BTBD9: variants seen among roughly 807,000 people sequenced by gnomAD.
The protein encoded by BTBD9 is BTB domain containing 9, also known as BTB/POZ domain-containing protein 9.
A neutral mutation model predicts 64.3 loss-of-function variants in BTBD9; 49 were observed. The observed-to-expected ratio is 0.76, with a 90% CI of 0.61 to 0.97. The LOEUF is 0.97. BTBD9 is among the 50% of genes least tolerant of loss of function. The pLI, the probability that BTBD9 is intolerant of heterozygous loss-of-function variation, is 0.00. For synonymous variants in BTBD9, 260 were observed against 274.7 expected (o/e 0.95, Z 0.53); for missense variants, 598 against 762.1 (o/e 0.78, Z 2.53).
intron 7 of BTBD9, among the ~76,000 whole-genome samples, chr6:38,339,688 C>T (rs1764028943): frequency 6.6e-6 from 1 of 152,072 alleles, no homozygotes; most frequent in Non-Finnish European, 1.5e-5. Flanking sequence ...GTAGAGAGGG[C>T]AGGAATAGAA....
chr6:38,331,575 T>C (rs963606035), intron 7 of BTBD9, among the ~76,000 whole-genome samples: 8 of 152,120 alleles, frequency 5.3e-5, no homozygotes, highest in Non-Finnish European at 1.0e-4. Flanking sequence ...ACATTTTATT[T>C]TGGCCAGGTG....
intron 1 of BTBD9, among the ~76,000 whole-genome samples, chr6:38,610,741 T>C (rs1777589453): frequency 6.6e-6 from 1 of 152,192 alleles, no homozygotes; most frequent in Non-Finnish European, 1.5e-5. Context: ...ATCATGTATG[T>C]AGGAAACAAT....
chr6:38,404,339 T>C (rs1767073631), intron 6 of BTBD9, among the ~76,000 whole-genome samples: 2 of 152,208 alleles, frequency 1.3e-5, no homozygotes, highest in Admixed American at 6.5e-5. Context: ...ACTCTTCATT[T>C]ACCATAGCAT....
chr6:38,421,550 A>C (rs906437891), intron 6 of BTBD9, among the ~76,000 whole-genome samples: 5 of 152,252 alleles, frequency 3.3e-5, no homozygotes, highest in African/African-American at 9.6e-5. Context: ...CTGACAGCCC[A>C]TCTCAAAGAC....
intron 6 of BTBD9, among the ~76,000 whole-genome samples, chr6:38,495,136 A>C (rs765616268): frequency 6.6e-6 from 1 of 152,250 alleles, no homozygotes; most frequent in African/African-American, 2.4e-5. Context: ...TATAATGTCA[A>C]GAACAATGGC....
intron 9 of BTBD9, among the ~76,000 whole-genome samples, chr6:38,249,835 C>T (rs1190455142): frequency 1.3e-5 from 2 of 151,508 alleles, no homozygotes; most frequent in Non-Finnish European, 2.9e-5. Context: ...AAATGTGGAG[C>T]TACTCTGGCT....
chr6:38,499,461 G>A (rs1222589178), intron 6 of BTBD9, among the ~76,000 whole-genome samples: 1 of 152,166 alleles, frequency 6.6e-6, no homozygotes, highest in Non-Finnish European at 1.5e-5. Flanking sequence ...AGCATTTAAT[G>A]TAACAGGATT....
chr6:38,534,006 G>A (rs1316777838), intron 6 of BTBD9, among the ~76,000 whole-genome samples: 3 of 151,720 alleles, frequency 2.0e-5, no homozygotes, highest in Admixed American at 6.6e-5. Flanking sequence ...CCAAAAATGA[G>A]TAAAAGAAAA....
intron 9 of BTBD9, among the ~76,000 whole-genome samples, chr6:38,203,868 A>C (rs1426609813): frequency 6.6e-6 from 1 of 152,130 alleles, no homozygotes; most frequent in Non-Finnish European, 1.5e-5. Context: ...AGTTAGCAAC[A>C]ATGTATTGTA....
intron 7 of BTBD9, among the ~76,000 whole-genome samples, chr6:38,312,722 G>T (rs1382247688): frequency 2.0e-5 from 3 of 152,130 alleles, no homozygotes; most frequent in Non-Finnish European, 4.4e-5. Context: ...CTGTAGTTGT[G>T]TGGATTTATT....
At chr6:38,490,215 G>C (rs978944125) in intron 6 of BTBD9, among the ~76,000 whole-genome samples, 2 of 152,176 alleles carry the variant, frequency 1.3e-5, no homozygotes, top group Non-Finnish European at 2.9e-5. Flanking sequence ...TTTGCTGCTT[G>C]CTTGCTGCAA....
chr6:38,608,633 T>C (rs1269091781), intron 1 of BTBD9, among the ~76,000 whole-genome samples: 3 of 152,230 alleles, frequency 2.0e-5, no homozygotes, highest in Non-Finnish European at 4.4e-5. Context: ...TTTTCATTTG[T>C]AGAATGTTAT....
At chr6:38,616,555 T>C (rs1777798154) in intron 1 of BTBD9, among the ~76,000 whole-genome samples, 2 of 152,124 alleles carry the variant, frequency 1.3e-5, no homozygotes, top group South Asian at 4.1e-4. Flanking sequence ...CTGGACTTCC[T>C]GGGTCGGATG....
intron 6 of BTBD9, among the ~76,000 whole-genome samples, chr6:38,389,499 T>G (rs1474217981): frequency 6.6e-6 from 1 of 152,246 alleles, no homozygotes; most frequent in African/African-American, 2.4e-5. Context: ...TGGATGGCGT[T>G]GGGTGTTCAC....
At chr6:38,213,668 A>G (rs1475363717) in intron 9 of BTBD9, among the ~76,000 whole-genome samples, 1 of 152,160 alleles carries the variant, frequency 6.6e-6, no homozygotes, top group East Asian at 1.9e-4. Flanking sequence ...CTGTCAATAA[A>G]AAAGTTGAAT....
At chr6:38,550,322 C>CTT (rs70981562) in intron 6 of BTBD9, among the ~76,000 whole-genome samples, 29,341 of 143,940 alleles carry the variant, frequency 0.2, 3,447 homozygotes, top group Non-Finnish European at 0.29. Context: ...TTTCTTTTTT[C>CTT]TTTTTTTTTT....
chr6:38,253,081 T>C (rs1764454534), intron 9 of BTBD9, among the ~76,000 whole-genome samples: 1 of 152,040 alleles, frequency 6.6e-6, no homozygotes, highest in Non-Finnish European at 1.5e-5. Context: ...GCCACTGCAC[T>C]CCAGCCTGAG....
chr6:38,625,712 G>C (rs1469777831), intron 1 of BTBD9, among the ~76,000 whole-genome samples: 1 of 152,114 alleles, frequency 6.6e-6, no homozygotes, highest in African/African-American at 2.4e-5. Flanking sequence ...TTACAGATGA[G>C]AAAACTGAGG....
At position 38,432,813 on chromosome 6, in the gene BTBD9, GC is replaced by G. The variant is rs766752986; in HGVS notation, c.1155-87721del. ...AGCAGCATCCATTCCCTAGTCCTGT[GC>G]CCACCAAACTATCCTTGAAAAACCT... On this transcript the variant is annotated intron_variant, in intron 6 of 10. Transcript: ENST00000481247. 1.6e-4 allele frequency among the ~76,000 whole-genome samples: 24 copies of G among 151,864 alleles called. No individual in the cohort carries two copies. In the East Asian group the frequency reaches 4.4e-3, roughly 28 times the overall value.
Sources: allele counts gnomAD v4.1 joint callset (sites outside exome capture counted in the v4.1 genomes callset), GRCh38; gene constraint gnomAD v4.1.1; transcripts MANE v1.5; gene names NCBI Gene and HGNC (gene_info 2026-07-23, HGNC 2026-07-21).